TSGA10: variants seen among roughly 807,000 people sequenced by gnomAD.
TSGA10 encodes testis-specific gene 10 protein.
A neutral mutation model predicts 96.6 loss-of-function variants in TSGA10; 43 were observed. That is an observed-to-expected ratio of 0.44 (90% CI 0.35 to 0.57). The LOEUF (loss-of-function observed/expected upper bound fraction) is 0.57. TSGA10 is among the 20% of genes least tolerant of loss of function. The pLI is 0.01. For missense variants in TSGA10, 703 were observed against 834.4 expected (o/e 0.84, Z 1.94); for synonymous variants, 229 against 269.9 (o/e 0.85, Z 1.48).
rs79037474 is a variant in TSGA10, at chr2:99,105,342, T to C, written c.459+17A>G. 2.4e-4 allele frequency: 40 copies of C among 165,608 alleles called. No individual in the cohort carries two copies. The Middle Eastern group carries it at 4.0e-3, about 17-fold the overall frequency. 10.3% of individuals were successfully genotyped at this position (165,608 alleles called of 1,614,324 possible). On this transcript the variant is annotated intron_variant, in intron 9 of 20. Coordinates refer to ENST00000393483, the MANE Select transcript of TSGA10 (RefSeq NM_025244.4). ...TGTTTATAGCCAAAAGAGACTTTTC[T>C]TTTTTTTTTTTTTTACATTATGAAC...
rs2092351262 is a variant in TSGA10 at position 99,117,707 on chromosome 2, A to C, written c.-303T>G. ...GCTTACCACCTCCTTACTATCCAAG[A>C]GTTTCCTAACATATTCTTCCAAGCC... On this transcript the variant is annotated 5_prime_UTR_variant, in exon 4 of 21. Transcript: ENST00000393483. The C allele has an allele frequency of 1.0e-6, 1 of 985,638 alleles. No individual in the cohort carries two copies. The highest frequency in any genetic ancestry group is 1.7e-5 in the African/African-American group (1 of 57,196). 61.1% of individuals were successfully genotyped at this position (985,638 alleles called of 1,614,324 possible).
intron 20 of TSGA10, among the ~76,000 whole-genome samples, chr2:99,007,373 TAA>T (rs1227298074): frequency 6.6e-6 from 1 of 151,986 alleles, no homozygotes; most frequent in Non-Finnish European, 1.5e-5. Flanking sequence ...ATACTGTATA[TAA>T]GAGATATATT....
intron 4 of TSGA10, among the ~76,000 whole-genome samples, chr2:99,114,685 A>G (rs557213167): frequency 2.0e-4 from 31 of 152,272 alleles, no homozygotes; most frequent in African/African-American, 7.5e-4. Flanking sequence ...CCTAGCTCTT[A>G]TATTTTAGAT....
At chr2:99,074,485 T>C (rs918114854) in intron 12 of TSGA10, among the ~76,000 whole-genome samples, 1 of 145,800 alleles carries the variant, frequency 6.9e-6, no homozygotes, top group Non-Finnish European at 1.5e-5. Context: ...TAATAGATAC[T>C]GGTGTGTTGT....
chr2:99,038,083 GT>G (rs1016289750), intron 16 of TSGA10, among the ~76,000 whole-genome samples: 56 of 150,898 alleles, frequency 3.7e-4, no homozygotes, highest in Non-Finnish European at 5.8e-4. Flanking sequence ...AAAAAAAAAA[GT>G]TTTTTTTCAG....
chr2:99,051,831 G>A (rs1236264688), intron 16 of TSGA10, among the ~76,000 whole-genome samples: 2 of 151,684 alleles, frequency 1.3e-5, no homozygotes, highest in Non-Finnish European at 2.9e-5. Flanking sequence ...CAGAAAAAAA[G>A]GGGAAACTAA....
chr2:99,021,614 T>C (rs912819032), intron 17 of TSGA10, among the ~76,000 whole-genome samples: 4 of 152,178 alleles, frequency 2.6e-5, no homozygotes, highest in Non-Finnish European at 5.9e-5. Flanking sequence ...TGGATAATTA[T>C]TTGGAGTGGG....
chr2:99,103,819 CA>C, intron 10 of TSGA10, 147 bp downstream of exon 10: 1 of 839,470 alleles, frequency 1.2e-6, no homozygotes, highest in East Asian at 2.9e-5. Context: ...GAAAATTGTT[CA>C]CTGTGTGCCA....
chr2:99,133,141 C>T (rs2093174192), intron 1 of TSGA10, among the ~76,000 whole-genome samples: 1 of 152,098 alleles, frequency 6.6e-6, no homozygotes, highest in Non-Finnish European at 1.5e-5. Flanking sequence ...TCCTGAATAT[C>T]CTTGTTAATT....
At chr2:99,052,391 A>T (rs2083478771) in intron 16 of TSGA10, among the ~76,000 whole-genome samples, 1 of 151,912 alleles carries the variant, frequency 6.6e-6, no homozygotes, top group Admixed American at 6.6e-5. Flanking sequence ...GAAATATACA[A>T]CCTACAAAGA....
chr2:99,089,879 C>G (rs1207057071), intron 10 of TSGA10, among the ~76,000 whole-genome samples: 1 of 152,174 alleles, frequency 6.6e-6, no homozygotes, highest in Non-Finnish European at 1.5e-5. Context: ...GCCCCACTCA[C>G]CACCTGATCC....
At chr2:99,023,402 G>T (rs2080227690) in intron 17 of TSGA10, among the ~76,000 whole-genome samples, 2 of 146,944 alleles carry the variant, frequency 1.4e-5, no homozygotes, top group Non-Finnish European at 3.0e-5. Context: ...AGCACAGAAG[G>T]TTTTTTTTTT....
At chr2:99,000,979 A>G (rs1476866981) in intron 20 of TSGA10, among the ~76,000 whole-genome samples, 1 of 152,140 alleles carries the variant, frequency 6.6e-6, no homozygotes, top group African/African-American at 2.4e-5. Flanking sequence ...GGAAGCTCGA[A>G]CCGGGTGGAG....
At chr2:99,110,816 T>C (rs2091740552) in intron 5 of TSGA10, 34 bp downstream of exon 5, 1 of 541,594 alleles carries the variant, frequency 1.8e-6, no homozygotes, top group Non-Finnish European at 2.4e-6. Flanking sequence ...ATAAAAATGA[T>C]TCCGTAACAC....
intron 18 of TSGA10, 105 bp downstream of exon 18, chr2:99,020,175 G>A: frequency 1.1e-6 from 1 of 909,158 alleles, no homozygotes; most frequent in Non-Finnish European, 1.7e-6. Flanking sequence ...CTGATCCTTA[G>A]GCAAAGTATA....
intron 12 of TSGA10, among the ~76,000 whole-genome samples, chr2:99,074,948 C>T (rs989601847): frequency 2.7e-5 from 4 of 148,616 alleles, no homozygotes; most frequent in East Asian, 3.9e-4. Context: ...ACAGAGACTC[C>T]GTCTCAAAAA....
intron 20 of TSGA10, among the ~76,000 whole-genome samples, chr2:99,004,728 T>G (rs1418972555): frequency 6.6e-6 from 1 of 152,204 alleles, no homozygotes; most frequent in African/African-American, 2.4e-5. Context: ...AAGGAGCTGG[T>G]ACCATTCCAT....
At chr2:99,022,995 C>G (rs2080181060) in intron 17 of TSGA10, among the ~76,000 whole-genome samples, 1 of 151,966 alleles carries the variant, frequency 6.6e-6, no homozygotes, top group Non-Finnish European at 1.5e-5. Flanking sequence ...TATTAATATC[C>G]TTTGCCTAAT....
At chr2:99,078,105 A>G (rs575402076) in intron 12 of TSGA10, among the ~76,000 whole-genome samples, 26 of 151,556 alleles carry the variant, frequency 1.7e-4, no homozygotes, top group African/African-American at 6.3e-4. Flanking sequence ...CCCTGCCTCT[A>G]CTAAAAATAC....
Sources: allele counts gnomAD v4.1 joint callset (sites outside exome capture counted in the v4.1 genomes callset), GRCh38; gene constraint gnomAD v4.1.1; transcripts MANE v1.5; gene names NCBI Gene and HGNC (gene_info 2026-07-23, HGNC 2026-07-21).